ARHGAP6: variants seen among roughly 807,000 people sequenced by gnomAD.
ARHGAP6 encodes the protein Rho GTPase activating protein 6.
In ARHGAP6, 16 loss-of-function variants were observed where a neutral mutation model predicts 55.7. That is an observed-to-expected ratio of 0.29 (90% confidence interval 0.19 to 0.44). The LOEUF (loss-of-function observed/expected upper bound fraction) is 0.44. Among genes scored for constraint, ARHGAP6 ranks in the 20% least tolerant of loss-of-function variants. ARHGAP6 has a pLI of 1.00. For synonymous variants in ARHGAP6, 382 were observed against 360.9 expected (o/e 1.06, Z -0.66); for missense variants, 698 against 808.9 (o/e 0.86, Z 1.66).
At chrX:11,528,135 T>C (rs946731330) in intron 1 of ARHGAP6, among the ~76,000 whole-genome samples, 1 of 112,184 alleles carries the variant, frequency 8.9e-6, no homozygotes. Context: ...AGTCTAAAGA[T>C]TCACATTCTT....
At chrX:11,465,354 C>T (rs1242333763) in intron 1 of ARHGAP6, among the ~76,000 whole-genome samples, 1 of 111,824 alleles carries the variant, frequency 8.9e-6, no homozygotes, top group Non-Finnish European at 1.9e-5. Context: ...ATGCTTCAAC[C>T]TTCTCTGTAG....
intron 1 of ARHGAP6, among the ~76,000 whole-genome samples, chrX:11,280,090 G>A (rs2047835429): frequency 9.0e-6 from 1 of 111,453 alleles, no homozygotes. Flanking sequence ...TGCACAGAAC[G>A]GCCCCCACAG....
chrX:11,360,872 G>C (rs1272319780), intron 1 of ARHGAP6, among the ~76,000 whole-genome samples: 1,450 of 109,412 alleles, frequency 0.013, 45 homozygotes, highest in African/African-American at 0.048. Context: ...AACAGAGAGA[G>C]AGCCAAATCA....
At chrX:11,511,209 A>C in intron 1 of ARHGAP6, among the ~76,000 whole-genome samples, 1 of 112,284 alleles carries the variant, frequency 8.9e-6, no homozygotes, top group East Asian at 2.8e-4. Context: ...CTATTGTATC[A>C]TATTGCCAGG....
chrX:11,352,924 A>G (rs1369614763), intron 1 of ARHGAP6, among the ~76,000 whole-genome samples: 1 of 111,910 alleles, frequency 8.9e-6, no homozygotes, highest in Non-Finnish European at 1.9e-5. Context: ...ATATATATGC[A>G]TATGCACATA....
At chrX:11,167,788 G>GACTT (rs769040679) in intron 9 of ARHGAP6, among the ~76,000 whole-genome samples, 80 of 112,289 alleles carry the variant, frequency 7.1e-4, no homozygotes, top group Non-Finnish European at 1.4e-3. Flanking sequence ...GATGATATGT[G>GACTT]ACTTAAACTT....
intron 1 of ARHGAP6, among the ~76,000 whole-genome samples, chrX:11,372,771 C>CAA (rs1171647934): frequency 0.035 from 491 of 14,172 alleles, 34 homozygotes; most frequent in African/African-American, 0.093. Context: ...GACTCCATCT[C>CAA]AAAAAAAAAA....
At chrX:11,380,904 T>C (rs1197067686) in intron 1 of ARHGAP6, among the ~76,000 whole-genome samples, 1 of 112,226 alleles carries the variant, frequency 8.9e-6, no homozygotes, top group African/African-American at 3.2e-5. Context: ...ATCACCCCCA[T>C]TGAGAACTAC....
chrX:11,664,333 T>C lies in ARHGAP6; in HGVS notation c.496A>G (p.Ile166Val), dbSNP rs376177635. ...AGCCACCTCCTAGGAGAAGCGAAGA[T>C]GCCATTGGGGCCTCCCCCGGATGAA... ...LCSSGGGPNGIFASPRRWLQQ... is the reference protein window; with the variant it reads ...LCSSGGGPNGVFASPRRWLQQ... Residue 166 changes from isoleucine (I) to valine (V), a missense_variant, in exon 1 of 13, where the codon ATC becomes GTC. Coordinates refer to ENST00000337414, the MANE Select transcript of ARHGAP6 (RefSeq NM_013427.3). The C allele has an allele frequency of 8.3e-7, 1 of 1,212,088 alleles. No individual in the cohort carries two copies. The highest frequency in any genetic ancestry group is 3.0e-5 in the East Asian group (1 of 33,848).
At chrX:11,361,218 A>G (rs2049006125) in intron 1 of ARHGAP6, among the ~76,000 whole-genome samples, 1 of 109,163 alleles carries the variant, frequency 9.2e-6, no homozygotes, top group African/African-American at 3.3e-5. Flanking sequence ...CCAAAAGAAC[A>G]AAGCTGGAGG....
chrX:11,372,771 C>CAAAAAAAAAAAAAA (rs1171647934), intron 1 of ARHGAP6, among the ~76,000 whole-genome samples: 26 of 14,322 alleles, frequency 1.8e-3, no homozygotes, highest in Non-Finnish European at 2.4e-3. Context: ...GACTCCATCT[C>CAAAAAAAAAAAAAA]AAAAAAAAAA....
chrX:11,473,971 G>T (rs1414467508), intron 1 of ARHGAP6, among the ~76,000 whole-genome samples: 4 of 110,953 alleles, frequency 3.6e-5, no homozygotes, highest in Non-Finnish European at 7.6e-5. Context: ...ACTCCTTTTG[G>T]CTGCTCAACT....
intron 2 of ARHGAP6, among the ~76,000 whole-genome samples, chrX:11,241,531 CGTGTGTGTGTGTGTGTGTGTGTGT>C (rs55815640): frequency 1.4e-4 from 13 of 91,728 alleles, no homozygotes; most frequent in African/African-American, 5.1e-4. Flanking sequence ...ATGCTGGATA[CGTGTGTGTGTGTGTGTGTGTGTGT>C]GTGTGTGTGT....
intron 1 of ARHGAP6, chrX:11,334,500 C>A (rs186677056): frequency 0.019 from 2,143 of 113,962 alleles, 57 homozygotes; most frequent in African/African-American, 0.066. Context: ...TCACTTCTTG[C>A]AACCATTATT....
intron 8 of ARHGAP6, among the ~76,000 whole-genome samples, chrX:11,174,514 T>C (rs907331048): frequency 2.3e-5 from 2 of 86,815 alleles, no homozygotes; most frequent in African/African-American, 9.2e-5. Context: ...CCATTCTTTC[T>C]TTCTTTCCTT....
chrX:11,441,934 G>A (rs1376129441), intron 1 of ARHGAP6, among the ~76,000 whole-genome samples: 1 of 107,061 alleles, frequency 9.3e-6, no homozygotes, highest in East Asian at 2.9e-4. Context: ...ATATGTATTT[G>A]AAATATATAT....
chrX:11,277,467 C>A (rs1377111032), intron 1 of ARHGAP6, among the ~76,000 whole-genome samples: 2 of 111,404 alleles, frequency 1.8e-5, no homozygotes, highest in African/African-American at 6.5e-5. Context: ...AACATGACTC[C>A]AAATAGCAAG....
At chrX:11,146,835 C>G (rs1262248671) in intron 10 of ARHGAP6, among the ~76,000 whole-genome samples, 1 of 112,015 alleles carries the variant, frequency 8.9e-6, no homozygotes, top group African/African-American at 3.3e-5. Context: ...AATGCTCTTT[C>G]TTACTTAGAG....
At chrX:11,496,012 G>A (rs191611733) in intron 1 of ARHGAP6, among the ~76,000 whole-genome samples, 34 of 112,010 alleles carry the variant, frequency 3.0e-4, no homozygotes, top group African/African-American at 1.1e-3. Flanking sequence ...AACAACTAGG[G>A]TAAGCTGGTA....
Sources: allele counts gnomAD v4.1 joint callset (sites outside exome capture counted in the v4.1 genomes callset), GRCh38; gene constraint gnomAD v4.1.1; transcripts MANE v1.5; gene names NCBI Gene and HGNC (gene_info 2026-07-23, HGNC 2026-07-21).